Variants in TBX5 observed in about 807,000 individuals in gnomAD.
TBX5 encodes the protein T-box transcription factor TBX5.
TBX5 carries 8 observed loss-of-function variants against 51.1 expected under a neutral mutation model. The ratio of observed to expected loss-of-function variants is 0.16; its 90% CI spans 0.09 to 0.28. TBX5 has a LOEUF of 0.28. Among genes scored for constraint, TBX5 ranks in the 10% least tolerant of loss-of-function variants. TBX5 has a pLI of 1.00. For synonymous variants in TBX5, 302 were observed against 266.4 expected (o/e 1.13, Z -1.30); for missense variants, 589 against 671.7 (o/e 0.88, Z 1.36).
chr12:114,370,217 G>A (rs1869781002), intron 7 of TBX5, among the ~76,000 whole-genome samples: 1 of 123,060 alleles, frequency 8.1e-6, no homozygotes, highest in African/African-American at 3.3e-5. Context: ...GATGACAAGA[G>A]TGAAACTCTG....
At chr12:114,368,218 A>C (rs2136376110) in intron 7 of TBX5, among the ~76,000 whole-genome samples, 1 of 152,312 alleles carries the variant, frequency 6.6e-6, no homozygotes, top group African/African-American at 2.4e-5. Context: ...GCCTATGGTC[A>C]TAGCAACTCA....
At chr12:114,362,668 A>AT (rs759878133) in intron 8 of TBX5, among the ~76,000 whole-genome samples, 8 of 151,622 alleles carry the variant, frequency 5.3e-5, no homozygotes, top group Admixed American at 3.3e-4. Context: ...ATTTTATTTT[A>AT]TTTATTTATT....
chr12:114,406,893 A>G (rs536971442), upstream of TBX5: 8 of 227,314 alleles, frequency 3.5e-5, no homozygotes, highest in Non-Finnish European at 5.1e-5. Context: ...ATAAAAGCAC[A>G]AACACAGTCA....
chr12:114,358,069 G>T (rs1407519471), intron 8 of TBX5, among the ~76,000 whole-genome samples: 6 of 152,200 alleles, frequency 3.9e-5, no homozygotes, highest in Admixed American at 3.9e-4. Flanking sequence ...GAAGTGACTT[G>T]CCCAAGGTCA....
At chr12:114,372,400 G>T (rs565518718) in intron 7 of TBX5, among the ~76,000 whole-genome samples, 1 of 152,186 alleles carries the variant, frequency 6.6e-6, no homozygotes, top group South Asian at 2.1e-4. Flanking sequence ...AGGCTCCTGG[G>T]CTCAAGGGGT....
chr12:114,398,439 A>G (rs1209006791), intron 5 of TBX5, 134 bp downstream of exon 5: 3 of 1,315,910 alleles, frequency 2.3e-6, no homozygotes, highest in African/African-American at 1.5e-5. Flanking sequence ...GAAAGCGACG[A>G]AAGTGGGGGA....
chr12:114,360,349 T>C (rs1339462748), intron 8 of TBX5, among the ~76,000 whole-genome samples: 1 of 125,500 alleles, frequency 8.0e-6, no homozygotes, highest in East Asian at 2.4e-4. Flanking sequence ...GGTGGATGAG[T>C]AGATGGATGG....
chr12:114,366,420 C>T (rs2136373859), intron 7 of TBX5, 29 bp from the exon 8 acceptor site: 2 of 1,607,206 alleles, frequency 1.2e-6, no homozygotes, highest in African/African-American at 1.3e-5. Context: ...GAGATAACGC[C>T]TATCAGTGCC....
At chr12:114,379,427 T>G (rs1019671111) in intron 7 of TBX5, among the ~76,000 whole-genome samples, 1 of 152,166 alleles carries the variant, frequency 6.6e-6, no homozygotes, top group Non-Finnish European at 1.5e-5. Context: ...AATGTGTTGT[T>G]GGGGAAAGTT....
intron 5 of TBX5, 36 bp from the exon 6 acceptor site, chr12:114,394,929 T>C: frequency 6.2e-7 from 1 of 1,605,888 alleles, no homozygotes. Flanking sequence ...TGTAAGAAAA[T>C]CAAAACTCCC....
At chr12:114,387,417 A>G (rs1870877114) in intron 6 of TBX5, among the ~76,000 whole-genome samples, 1 of 152,242 alleles carries the variant, frequency 6.6e-6, no homozygotes, top group Admixed American at 6.5e-5. Context: ...TACAATTAAT[A>G]TTTTAAGATA....
intron 7 of TBX5, among the ~76,000 whole-genome samples, chr12:114,376,274 T>TACAC (rs79139632): frequency 2.8e-5 from 4 of 144,836 alleles, no homozygotes; most frequent in South Asian, 2.3e-4. Context: ...TGTATATATA[T>TACAC]ACACACACAC....
chr12:114,402,760 C>G (rs1397037377), intron 2 of TBX5, among the ~76,000 whole-genome samples: 1 of 152,010 alleles, frequency 6.6e-6, no homozygotes, highest in Non-Finnish European at 1.5e-5. Context: ...CACACAAACT[C>G]TTCATTTTGG....
chr12:114,357,242 A>C (rs1868976655), intron 8 of TBX5, among the ~76,000 whole-genome samples: 1 of 151,866 alleles, frequency 6.6e-6, no homozygotes, highest in Non-Finnish European at 1.5e-5. Context: ...TGTCTCTGAA[A>C]GGGGGTCTCC....
chr12:114,380,009 T>C (rs148209063), intron 7 of TBX5, among the ~76,000 whole-genome samples: 22 of 152,260 alleles, frequency 1.4e-4, no homozygotes, highest in African/African-American at 5.1e-4. Context: ...CAGCTGGCTT[T>C]CAGAGATCTT....
intron 7 of TBX5, among the ~76,000 whole-genome samples, chr12:114,383,563 T>G (rs1593864552): frequency 6.6e-6 from 1 of 152,110 alleles, no homozygotes; most frequent in East Asian, 1.9e-4. Context: ...GATTTGTGTT[T>G]TACAAAGATC....
intron 7 of TBX5, among the ~76,000 whole-genome samples, chr12:114,379,811 CA>C (rs1870409165): frequency 1.3e-5 from 2 of 152,194 alleles, no homozygotes; most frequent in South Asian, 4.1e-4. Context: ...AAACACTTAA[CA>C]AATGTTTTAG....
upstream of TBX5, among the ~76,000 whole-genome samples, chr12:114,406,459 A>G (rs371836816): frequency 1.3e-5 from 2 of 152,154 alleles, no homozygotes; most frequent in African/African-American, 4.8e-5. Flanking sequence ...CCGAGTCTGG[A>G]CGCACACACA....
chr12:114,384,165 T>C (rs1870664881), intron 7 of TBX5, among the ~76,000 whole-genome samples: 1 of 152,220 alleles, frequency 6.6e-6, no homozygotes, highest in Admixed American at 6.5e-5. Context: ...AAAAAGTACC[T>C]TGTGAGTCCA....
Sources: allele counts gnomAD v4.1 joint callset (sites outside exome capture counted in the v4.1 genomes callset), GRCh38; gene constraint gnomAD v4.1.1; transcripts MANE v1.5; gene names NCBI Gene and HGNC (gene_info 2026-07-23, HGNC 2026-07-21).